The following ABTB1 variants were observed in gnomAD, a reference collection of about 807,000 sequenced individuals.
The protein encoded by ABTB1 is ankyrin repeat and BTB domain containing 1.
ABTB1 carries 45 observed loss-of-function variants against 57.1 expected under a neutral mutation model. The observed-to-expected ratio is 0.79, with a 90% confidence interval of 0.62 to 1.01. The LOEUF (loss-of-function observed/expected upper bound fraction) is 1.01. Among genes scored for constraint, ABTB1 ranks in the 50% least tolerant of loss-of-function variants. ABTB1 has a pLI of 0.00. For synonymous variants in ABTB1, 302 were observed against 275.4 expected (o/e 1.10, Z -0.95); for missense variants, 630 against 666.3 (o/e 0.95, Z 0.60).
At position 127,680,139 on chromosome 3, in the gene ABTB1, G is replaced by A. The variant is rs142290721; in HGVS notation, c.1184G>A (p.Arg395Gln). The A allele has an allele frequency of 6.8e-6, 11 of 1,613,848 alleles. No homozygotes were observed. The highest frequency in any genetic ancestry group is 2.7e-5 in the African/African-American group (2 of 74,946). Residue 395 changes from arginine (R) to glutamine (Q), a missense_variant, in exon 11 of 12, where the codon CGG becomes CAG. By Grantham distance (43) the Arg-to-Gln change is conservative. Transcript: ENST00000232744. ...GTGGCCAAGCTCTTCCGCCTGGCGCGGCTTGAGGACCAGTGCACTGAGTAC... is the reference window on the plus strand; with the variant it reads ...GTGGCCAAGCTCTTCCGCCTGGCGCAGCTTGAGGACCAGTGCACTGAGTAC... ...WRVAKLFRLA[R>Q]LEDQCTEYMA... is the part of the protein sequence containing the mutation.
At chr3:127,674,037 G>C (rs147695629) in intron 1 of ABTB1, 34 of 312,008 alleles carry the variant, frequency 1.1e-4, no homozygotes, top group African/African-American at 6.1e-4. Context: ...AACAGGGCCA[G>C]CTTCTTCCTG....
intron 3 of ABTB1, among the ~76,000 whole-genome samples, chr3:127,674,834 TC>T (rs2074940949): frequency 1.3e-5 from 2 of 152,324 alleles, no homozygotes; most frequent in Non-Finnish European, 2.9e-5. Context: ...TCAGCATTTC[TC>T]CCCGGACACG....
intron 3 of ABTB1, 96 bp from the exon 4 acceptor site, chr3:127,675,874 G>C: frequency 6.7e-7 from 1 of 1,489,354 alleles, no homozygotes; most frequent in Admixed American, 1.9e-5. Context: ...CAGAGATTCG[G>C]AGCCCCATGT....
chr3:127,679,845 A>G (rs960159690), intron 10 of ABTB1, 140 bp from the exon 11 acceptor site: 5 of 584,918 alleles, frequency 8.5e-6, no homozygotes, highest in Non-Finnish European at 1.4e-5. Context: ...CCAACCCCAT[A>G]CATGCGCAGG....
Position 127,679,296 on chromosome 3 carries a change from G to A in ABTB1, c.1030-689G>A, listed in dbSNP as rs1283837544. 2.1e-5 allele frequency: 7 copies of A among 340,914 alleles called. No homozygotes were observed. The East Asian group carries it at 5.6e-4, about 27-fold the overall frequency. The allele number at this position is 340,914 out of a possible 1,614,324, so 21.1% of individuals were successfully genotyped here. A position where few individuals can be genotyped will look rare whatever the true frequency, so the allele number is the denominator to read the frequency against. ...CCTAAGGCCTTGTGCAGATGCATGG[G>A]TTACCCAGGTAAAGGAGGTGGCATG... is the stretch of plus-strand genomic sequence containing the variant. On this transcript the variant is annotated intron_variant, in intron 10 of 11. Coordinates refer to ENST00000232744, the MANE Select transcript of ABTB1 (RefSeq NM_172027.3).
intron 2 of ABTB1, 30 bp downstream of exon 2, chr3:127,674,483 T>TGGGGGTTTGGGGGGGGGGGGGGGGG: frequency 6.4e-6 from 3 of 471,476 alleles, no homozygotes; most frequent in East Asian, 6.3e-5. Flanking sequence ...GTGGGGAGGG[T>TGGGGGTTTGGGGGGGGGGGGGGGGG]GGGGGTTGGT....
Position 127,676,870 on chromosome 3 carries a change from T to A in ABTB1, c.527-97T>A. On this transcript the variant is annotated intron_variant, in intron 6 of 11. Transcript: ENST00000232744. The surrounding 1 kb of genome is among the most constrained non-coding windows in gnomAD (Gnocchi z 5.4). ...CAAGTGGGCCCAGGAGTCCTAGTCC[T>A]GCAGCCAGGTGGCCAGGTGGGAGGG... The A allele has an allele frequency of 2.4e-6, 3 of 1,258,986 alleles. No homozygotes were observed. Among genetic ancestry groups the A allele is most frequent in the Non-Finnish European group, 3.4e-6 (3 of 893,364 alleles). 78.0% of individuals were successfully genotyped at this position (1,258,986 alleles called of 1,614,324 possible).
At position 127,677,047 on chromosome 3, in the gene ABTB1, G is replaced by A. The variant is rs144199371; in HGVS notation, c.607G>A (p.Asp203Asn). 13 of 1,614,122 alleles carry A rather than the reference G, an allele frequency of 8.1e-6. No individual in the cohort carries two copies. The highest frequency in any genetic ancestry group is 2.2e-5 in the East Asian group (1 of 44,886). Residue 203 changes from aspartate to asparagine, a missense_variant, in exon 7 of 12, where the codon GAC (aspartate) becomes AAC (asparagine). This residue lies in a region of ABTB1 where 579 missense variants were observed against 585.9 expected (regional missense o/e 0.99). Coordinates refer to ENST00000232744, the MANE Select transcript of ABTB1 (RefSeq NM_172027.3). ...KQCQLWDLLS[D>N]LEAKCEKVSE... ...ATGCCAGCTGTGGGACCTGCTCAGC[G>A]ACCTGGAGGCCAAGTGCGAGAAGGT...
At chr3:127,674,708 G>C in intron 3 of ABTB1, 108 bp downstream of exon 3, 2 of 1,332,542 alleles carry the variant, frequency 1.5e-6, no homozygotes, top group Non-Finnish European at 2.1e-6. Context: ...CATTTGCAAA[G>C]CACCACGATT....
intron 10 of ABTB1, chr3:127,678,197 T>C (rs1343609690): frequency 8.9e-5 from 23 of 259,402 alleles, no homozygotes; most frequent in Non-Finnish European, 6.8e-5. Context: ...CCTCTTCCCT[T>C]GCTGCCTGCC....
intron 1 of ABTB1, 107 bp from the exon 2 acceptor site, chr3:127,674,284 G>C (rs907064896): frequency 1.2e-5 from 17 of 1,447,286 alleles, no homozygotes; most frequent in Non-Finnish European, 1.3e-5. Flanking sequence ...CCTGGGGGAG[G>C]CTTCCCCATA....
chr3:127,675,239 ATTC>A (rs1191615759), intron 3 of ABTB1, among the ~76,000 whole-genome samples: 6 of 141,638 alleles, frequency 4.2e-5, no homozygotes, highest in Admixed American at 2.1e-4. Flanking sequence ...ATTCAGTGCC[ATTC>A]TTCTTCCTAT....
Position 127,676,911 on chromosome 3 carries a change from G to T in ABTB1, c.527-56G>T. On this transcript the variant is annotated intron_variant, in intron 6 of 11. Coordinates refer to ENST00000232744, the MANE Select transcript of ABTB1 (RefSeq NM_172027.3). This position sits in a 1 kb window ranked among gnomAD's most constrained non-coding sequence, Gnocchi z 5.4. ...GGTGGGAGGGGATCACCCTTTTTCTGTGGGCCTGATGACAGCTGAGGTCCC... is the reference window on the plus strand; with the variant it reads ...GGTGGGAGGGGATCACCCTTTTTCTTTGGGCCTGATGACAGCTGAGGTCCC... 6.4e-7 allele frequency: 1 copy of T among 1,555,674 alleles called. No homozygotes were observed. The highest frequency in any genetic ancestry group is 2.3e-5 in the East Asian group (1 of 44,296).
chr3:127,677,389 T>C, intron 8 of ABTB1, 76 bp from the exon 9 acceptor site: 1 of 1,577,686 alleles, frequency 6.3e-7, no homozygotes, highest in Non-Finnish European at 8.7e-7. Context: ...CTGGACCAGT[T>C]ACTTCCCTTT....
At chr3:127,677,923 T>A in intron 10 of ABTB1, 80 bp downstream of exon 10, 1 of 1,523,092 alleles carries the variant, frequency 6.6e-7, no homozygotes, top group Non-Finnish European at 8.9e-7. Flanking sequence ...GCCCTGGGGG[T>A]CTGTGGAAGG....
rs886228479 is a variant in ABTB1 at position 127,676,847 on chromosome 3, A to C, written c.527-120A>C. 1 of 1,016,922 alleles carries C rather than the reference A, an allele frequency of 9.8e-7. No individual in the cohort carries two copies. Among genetic ancestry groups the C allele is most frequent in the Middle Eastern group, 2.3e-4 (1 of 4,428 alleles). 63.0% of individuals were successfully genotyped at this position (1,016,922 alleles called of 1,614,324 possible). A position where few individuals can be genotyped will look rare whatever the true frequency, so the allele number is the denominator to read the frequency against. The stretch of plus-strand genomic sequence containing the variant: ...TTTTGATGGGGAAACCATGGTGGCA[A>C]GTGGGCCCAGGAGTCCTAGTCCTGC... On this transcript the variant is annotated intron_variant, in intron 6 of 11. Transcript: ENST00000232744. The surrounding 1 kb of genome is among the most constrained non-coding windows in gnomAD (Gnocchi z 5.4).
chr3:127,677,127 CA>C, intron 7 of ABTB1, 40 bp from the exon 8 acceptor site: 1 of 1,613,026 alleles, frequency 6.2e-7, no homozygotes, highest in Non-Finnish European at 8.5e-7. Flanking sequence ...TGCGGCCTGG[CA>C]GGGCTGGCCT....
In ABTB1 at chr3:127,676,051, G is replaced by A. The variant is rs150548380; in HGVS notation, c.257G>A (p.Arg86His). Reference protein sequence around the residue: ...ALSDPIRRALRDYKQVTASCR... With the variant: ...ALSDPIRRALHDYKQVTASCR... The stretch of plus-strand genomic sequence containing the variant: ...AGTGACCCCATCCGCCGGGCTCTAC[G>A]CGATTACAAGCAGGTCACGGCTTCC... Residue 86 changes from arginine (R) to histidine (H), a missense_variant, in exon 4 of 12, where the codon CGC becomes CAC. Around this residue, in one of 3 missense-constraint regions of ABTB1, gnomAD observed 579 missense variants for 585.9 expected, o/e 0.99. Coordinates refer to ENST00000232744, the MANE Select transcript of ABTB1 (RefSeq NM_172027.3). This position sits in a 1 kb window ranked among gnomAD's most constrained non-coding sequence, Gnocchi z 5.4. 6.5e-5 allele frequency: 105 copies of A among 1,613,128 alleles called. No homozygotes were observed. The highest frequency in any genetic ancestry group is 8.0e-5 in the Non-Finnish European group (94 of 1,179,994).
chr3:127,676,752 G>A lies in ABTB1; in HGVS notation c.526+171G>A, dbSNP rs2074992727. 1.1e-6 allele frequency: 1 copy of A among 915,472 alleles called. No individual in the cohort carries two copies. The highest frequency in any genetic ancestry group is 1.6e-6 in the Non-Finnish European group (1 of 606,858). 56.7% of individuals were successfully genotyped at this position (915,472 alleles called of 1,614,324 possible). ...TGCAAGAGAGAGGACTAGTGTGCCT[G>A]CTCAGGAAGAGCTTGTCCCACCCAC... is the stretch of plus-strand genomic sequence containing the variant. On this transcript the variant is annotated intron_variant, in intron 6 of 11. Transcript: ENST00000232744. The surrounding 1 kb of genome is among the most constrained non-coding windows in gnomAD (Gnocchi z 5.4).
Sources: gnomAD v4.1 joint callset for allele counts (sites outside exome capture counted in the v4.1 genomes callset) on GRCh38, gnomAD v4.1.1 for gene constraint, gnomAD v4.1.1 regional missense constraint, Gnocchi (gnomAD v3.1) non-coding constraint, MANE v1.5 for transcripts, NCBI Gene and HGNC (gene_info 2026-07-23, HGNC 2026-07-21) for gene names.